ZC3H12B: variants seen among roughly 807,000 people sequenced by gnomAD.
The protein encoded by ZC3H12B is probable ribonuclease ZC3H12B.
A neutral mutation model predicts 43.9 loss-of-function variants in ZC3H12B; 7 were observed. The observed-to-expected ratio is 0.16, with a 90% CI of 0.09 to 0.30. ZC3H12B has a LOEUF of 0.30. Among genes scored for constraint, ZC3H12B ranks in the 10% least tolerant of loss-of-function variants. ZC3H12B has a pLI of 1.00. For missense variants in ZC3H12B, 475 were observed against 670.2 expected, an observed-to-expected ratio of 0.71 and a Z score of 3.22; for synonymous variants, 222 against 241.7, an observed-to-expected ratio of 0.92 and a Z score of 0.76.
the ZC3H12B span, among the ~76,000 whole-genome samples, chrX:65,220,097 A>G: frequency 9.8e-5 from 11 of 111,702 alleles, no homozygotes; most frequent in Non-Finnish European, 2.1e-4. Flanking sequence ...TTTTGTATCC[A>G]GCAAAACTAA....
At chrX:65,135,363 T>C in the ZC3H12B span, among the ~76,000 whole-genome samples, 2 of 110,807 alleles carry the variant, frequency 1.8e-5, no homozygotes, top group African/African-American at 3.3e-5. Context: ...GTTTTTTTTT[T>C]CCTGAAAGTC....
At chrX:65,378,065 C>A (rs1371104061) in intron 2 of ZC3H12B, among the ~76,000 whole-genome samples, 2 of 110,128 alleles carry the variant, frequency 1.8e-5, no homozygotes. Flanking sequence ...TGCCACTGCA[C>A]TCCCGCCTGG....
chrX:65,078,218 C>T, the ZC3H12B span, among the ~76,000 whole-genome samples: 2 of 111,908 alleles, frequency 1.8e-5, no homozygotes, highest in Non-Finnish European at 3.8e-5. Flanking sequence ...GTGATAATGT[C>T]TATTACACAG....
the ZC3H12B span, among the ~76,000 whole-genome samples, chrX:65,344,267 A>G: frequency 8.9e-6 from 1 of 112,351 alleles, no homozygotes; most frequent in East Asian, 2.8e-4. Flanking sequence ...AAAGCAATTT[A>G]TAGATCCAAT....
At chrX:65,374,223 T>G (rs867904151) in intron 2 of ZC3H12B, among the ~76,000 whole-genome samples, 2 of 84,877 alleles carry the variant, frequency 2.4e-5, no homozygotes, top group African/African-American at 9.3e-5. Context: ...ATATATGTAC[T>G]CTATAGTATA....
chrX:65,146,055 C>T, the ZC3H12B span, among the ~76,000 whole-genome samples: 73 of 111,315 alleles, frequency 6.6e-4, no homozygotes, highest in African/African-American at 2.1e-3. Flanking sequence ...AAGTTTTCCT[C>T]GATTATTCCC....
At chrX:65,061,328 C>G in the ZC3H12B span, among the ~76,000 whole-genome samples, 3 of 106,661 alleles carry the variant, frequency 2.8e-5, no homozygotes, top group South Asian at 7.6e-4. Context: ...TCCAACATCC[C>G]CCAACAGGCC....
At chrX:65,176,886 T>C in the ZC3H12B span, among the ~76,000 whole-genome samples, 2 of 111,382 alleles carry the variant, frequency 1.8e-5, no homozygotes, top group East Asian at 5.7e-4. Flanking sequence ...CTGAAACTAC[T>C]CCAAACAACA....
intron 3 of ZC3H12B, among the ~76,000 whole-genome samples, chrX:65,429,989 G>A (rs2067134498): frequency 8.9e-6 from 1 of 112,131 alleles, no homozygotes; most frequent in Non-Finnish European, 1.9e-5. Flanking sequence ...CCATTGGCTG[G>A]CTGAAATTCC....
the ZC3H12B span, among the ~76,000 whole-genome samples, chrX:65,270,304 T>C: frequency 8.9e-6 from 1 of 111,774 alleles, no homozygotes; most frequent in South Asian, 3.7e-4. Flanking sequence ...TTTCAATAAA[T>C]GGTGTTGGGA....
At chrX:65,398,430 G>T (rs6624789) in intron 2 of ZC3H12B, among the ~76,000 whole-genome samples, 163 bp from the exon 5 acceptor site, 1 of 111,654 alleles carries the variant, frequency 9.0e-6, no homozygotes, top group Admixed American at 9.5e-5. Flanking sequence ...GTTTCGAATT[G>T]TAATCCCCAT....
rs1043055748 is a variant in ZC3H12B, at chrX:65,498,759, A to G, written c.749-240A>G. 5.4e-5 allele frequency among the ~76,000 whole-genome samples: 6 copies of G among 112,107 alleles called. No individual in the cohort carries two copies. The Admixed American group carries it at 5.7e-4, about 11-fold the overall frequency. ...TCTTCATGGTAGTTTTTAAAACTCA[A>G]ATGTCATTGAATCCAGTTCCTTCAT... On this transcript the variant is annotated intron_variant, in intron 2 of 4. Coordinates refer to ENST00000338957, the Ensembl canonical transcript of ZC3H12B.
chrX:65,381,214 C>T (rs1340035955), intron 2 of ZC3H12B, among the ~76,000 whole-genome samples: 2 of 111,259 alleles, frequency 1.8e-5, no homozygotes, highest in Non-Finnish European at 3.8e-5. Flanking sequence ...TAAAGCTCTC[C>T]TCAGCACACG....
the ZC3H12B span, among the ~76,000 whole-genome samples, chrX:65,102,527 G>A: frequency 9.0e-5 from 10 of 111,615 alleles, no homozygotes; most frequent in African/African-American, 2.9e-4. Context: ...GATAAGCAAC[G>A]TCAGCAAAGT....
the ZC3H12B span, among the ~76,000 whole-genome samples, chrX:65,310,595 C>T: frequency 2.7e-5 from 3 of 111,870 alleles, no homozygotes; most frequent in Admixed American, 9.5e-5. Flanking sequence ...AGATTCAGTG[C>T]TATCCCCATC....
At chrX:65,383,477 T>A (rs899125364) in intron 2 of ZC3H12B, among the ~76,000 whole-genome samples, 7 of 111,901 alleles carry the variant, frequency 6.3e-5, no homozygotes, top group Non-Finnish European at 1.3e-4. Flanking sequence ...GACTTAAACG[T>A]TTGACCTAAT....
At chrX:65,355,476 A>G in the ZC3H12B span, among the ~76,000 whole-genome samples, 9 of 111,531 alleles carry the variant, frequency 8.1e-5, no homozygotes, top group Non-Finnish European at 1.5e-4. Flanking sequence ...ATACTTGCTA[A>G]TAATTACCAA....
chrX:65,179,776 G>T, the ZC3H12B span, among the ~76,000 whole-genome samples: 1 of 111,540 alleles, frequency 9.0e-6, no homozygotes, highest in South Asian at 3.7e-4. Context: ...ATAAATATCT[G>T]GACATATACT....
At chrX:65,481,901 A>G (rs1263269643) in intron 3 of ZC3H12B, among the ~76,000 whole-genome samples, 1 of 111,640 alleles carries the variant, frequency 9.0e-6, no homozygotes, top group African/African-American at 3.3e-5. Flanking sequence ...TTGCCACCCA[A>G]TATATCTCCA....
Sources: gnomAD v4.1 joint callset for allele counts (sites outside exome capture counted in the v4.1 genomes callset) on GRCh38, gnomAD v4.1.1 for gene constraint, MANE v1.5 for transcripts, NCBI Gene and HGNC (gene_info 2026-07-23, HGNC 2026-07-21) for gene names.